Variants in PTPRM observed in about 807,000 individuals in gnomAD.
PTPRM encodes protein tyrosine phosphatase receptor type M, also known as receptor-type tyrosine-protein phosphatase mu.
In PTPRM, 47 loss-of-function variants were observed where a neutral mutation model predicts 186.7. The observed-to-expected ratio is 0.25, with a 90% confidence interval of 0.20 to 0.32. The LOEUF is 0.32. Among genes scored for constraint, PTPRM ranks in the 10% least tolerant of loss-of-function variants. The pLI is 1.00. For synonymous variants in PTPRM, 668 were observed against 674.9 expected, an observed-to-expected ratio of 0.99 and a Z score of 0.16; for missense variants, 1,494 against 1,865.0, an observed-to-expected ratio of 0.80 and a Z score of 3.66.
chr18:7,575,257 C>G (rs1240261578), intron 1 of PTPRM, among the ~76,000 whole-genome samples: 1 of 152,180 alleles, frequency 6.6e-6, no homozygotes, highest in African/African-American at 2.4e-5. Flanking sequence ...AAGAGTGCTT[C>G]CCTGCTGCCG....
At chr18:7,797,841 A>G (rs1211667620) in intron 2 of PTPRM, among the ~76,000 whole-genome samples, 1 of 152,172 alleles carries the variant, frequency 6.6e-6, no homozygotes, top group African/African-American at 2.4e-5. Flanking sequence ...CTAATCTTAA[A>G]TTTAGGGTCT....
rs187552881 is a variant in PTPRM at position 8,000,861 on chromosome 18, A to G, written c.1132+45447A>G. 4.7e-4 allele frequency among the ~76,000 whole-genome samples: 71 copies of G among 152,324 alleles called. 1 individual carries two copies. Among genetic ancestry groups the G allele is most frequent in the Middle Eastern group, 3.4e-3 (1 of 294 alleles). On this transcript the variant is annotated intron_variant, in intron 7 of 32. Transcript: ENST00000580170. Reference sequence around the variant, plus strand: ...TTGCCAACGTTTATGTGCTTTTCCAAAGACTTGTTCACATTCTTCTCCAGC... The same window carrying G: ...TTGCCAACGTTTATGTGCTTTTCCAGAGACTTGTTCACATTCTTCTCCAGC...
chr18:7,693,241 C>T (rs1323907556), intron 1 of PTPRM, among the ~76,000 whole-genome samples: 3 of 152,142 alleles, frequency 2.0e-5, no homozygotes, highest in African/African-American at 7.2e-5. Flanking sequence ...TGGAGGGGTA[C>T]TACTTGATGA....
chr18:8,379,049 G>T (rs940777137), intron 27 of PTPRM, 118 bp from the exon 28 acceptor site: 11 of 756,670 alleles, frequency 1.5e-5, no homozygotes, highest in Non-Finnish European at 2.2e-5. Flanking sequence ...TGGGGAGGGA[G>T]GGGGAAGGGA....
intron 3 of PTPRM, among the ~76,000 whole-genome samples, chr18:7,901,839 C>G (rs1374547947): frequency 6.6e-6 from 1 of 152,202 alleles, no homozygotes; most frequent in Non-Finnish European, 1.5e-5. Context: ...CTCATACCTA[C>G]TTTATAATTG....
chr18:7,989,746 A>G (rs8093262), intron 7 of PTPRM, among the ~76,000 whole-genome samples: 98,960 of 151,974 alleles, frequency 0.65, 32,551 homozygotes, highest in African/African-American at 0.74. Flanking sequence ...AGTTTCCAGA[A>G]TAGGAAAACC....
chr18:8,333,473 A>C (rs2095422511), intron 22 of PTPRM, among the ~76,000 whole-genome samples: 1 of 152,198 alleles, frequency 6.6e-6, no homozygotes, highest in Admixed American at 6.5e-5. Flanking sequence ...TTATAGACTT[A>C]AGTGTTATGG....
intron 7 of PTPRM, among the ~76,000 whole-genome samples, chr18:7,975,817 T>G (rs978415697): frequency 1.2e-4 from 19 of 152,212 alleles, no homozygotes; most frequent in African/African-American, 4.6e-4. Flanking sequence ...TAGATTTGTC[T>G]AAGAGCACTC....
intron 14 of PTPRM, among the ~76,000 whole-genome samples, chr18:8,237,012 T>C (rs1436619935): frequency 6.6e-6 from 1 of 152,242 alleles, no homozygotes; most frequent in African/African-American, 2.4e-5. Context: ...TTGTCTTCTT[T>C]ATTAGTTTAA....
intron 14 of PTPRM, among the ~76,000 whole-genome samples, chr18:8,224,287 A>T (rs2094187834): frequency 2.6e-5 from 4 of 152,158 alleles, no homozygotes; most frequent in Admixed American, 2.6e-4. Context: ...AAATCTTGTG[A>T]CTCTTCAATC....
intron 14 of PTPRM, among the ~76,000 whole-genome samples, chr18:8,238,902 A>T (rs2094382850): frequency 6.6e-6 from 1 of 150,436 alleles, no homozygotes; most frequent in Admixed American, 6.6e-5. Flanking sequence ...CGTGGGATGG[A>T]GTTGTATTTC....
intron 2 of PTPRM, among the ~76,000 whole-genome samples, chr18:7,865,811 C>T (rs1414083939): frequency 1.3e-5 from 2 of 152,072 alleles, no homozygotes; most frequent in Non-Finnish European, 2.9e-5. Context: ...TCCGTCTGGT[C>T]CTGGAGTTTT....
chr18:7,631,239 T>C (rs371093313), intron 1 of PTPRM, among the ~76,000 whole-genome samples: 4 of 152,214 alleles, frequency 2.6e-5, no homozygotes, highest in African/African-American at 9.6e-5. Flanking sequence ...CCTGTCAGCT[T>C]TAAATTGAAA....
At chr18:7,909,411 T>C (rs1407220063) in intron 4 of PTPRM, among the ~76,000 whole-genome samples, 1 of 152,230 alleles carries the variant, frequency 6.6e-6, no homozygotes, top group Non-Finnish European at 1.5e-5. Context: ...TACAACAGCA[T>C]TGTGAACTGG....
At chr18:7,904,966 T>C (rs1410830459) in intron 3 of PTPRM, among the ~76,000 whole-genome samples, 2 of 152,166 alleles carry the variant, frequency 1.3e-5, no homozygotes, top group Non-Finnish European at 2.9e-5. Flanking sequence ...ACCCTTTTAC[T>C]GGTTCTTTCT....
At chr18:8,229,961 G>A (rs1295494238) in intron 14 of PTPRM, among the ~76,000 whole-genome samples, 1 of 152,162 alleles carries the variant, frequency 6.6e-6, no homozygotes, top group African/African-American at 2.4e-5. Flanking sequence ...GTGACTCATC[G>A]TGTGGTGTTG....
chr18:7,836,795 A>G (rs2046073587), intron 2 of PTPRM, among the ~76,000 whole-genome samples: 2 of 152,146 alleles, frequency 1.3e-5, no homozygotes, highest in South Asian at 4.2e-4. Flanking sequence ...TTCCTTCAGC[A>G]CTTCAAATAT....
intron 2 of PTPRM, among the ~76,000 whole-genome samples, chr18:7,827,180 T>TA (rs2045529774): frequency 1.3e-5 from 2 of 152,278 alleles, no homozygotes; most frequent in African/African-American, 4.8e-5. Context: ...CAAAGTAAAA[T>TA]AAACATATGT....
chr18:8,303,418 T>A (rs553985763), intron 20 of PTPRM, among the ~76,000 whole-genome samples: 10 of 152,320 alleles, frequency 6.6e-5, no homozygotes, highest in African/African-American at 2.4e-4. Flanking sequence ...TTCACTTTTC[T>A]AACATTTTGT....
Sources: gnomAD v4.1 joint callset for allele counts (sites outside exome capture counted in the v4.1 genomes callset) on GRCh38, gnomAD v4.1.1 for gene constraint, MANE v1.5 for transcripts, NCBI Gene and HGNC (gene_info 2026-07-23, HGNC 2026-07-21) for gene names.